FBXW7: variants seen among roughly 807,000 people sequenced by gnomAD.
FBXW7 encodes the protein F-box/WD repeat-containing protein 7.
In FBXW7, 11 loss-of-function variants were observed where a neutral mutation model predicts 86.3. The ratio of observed to expected loss-of-function variants is 0.13; its 90% CI spans 0.08 to 0.21. The LOEUF is 0.21. FBXW7 is among the 10% of genes least tolerant of loss of function. The probability of loss-of-function intolerance (pLI) is 1.00; values close to 1 mark genes in which losing one functional copy is unlikely to be tolerated. For missense variants in FBXW7, 488 were observed against 847.4 expected, an observed-to-expected ratio of 0.58 and a Z score of 5.27; for synonymous variants, 313 against 297.9, an observed-to-expected ratio of 1.05 and a Z score of -0.52.
intron 6 of FBXW7, among the ~76,000 whole-genome samples, chr4:152,340,843 C>T (rs1730668362): frequency 6.6e-6 from 1 of 152,050 alleles, no homozygotes; most frequent in African/African-American, 2.4e-5. Context: ...TGTCTATGAT[C>T]TTTCTCTCCA....
At chr4:152,510,142 C>A (rs1273030545) in intron 2 of FBXW7, among the ~76,000 whole-genome samples, 1 of 152,146 alleles carries the variant, frequency 6.6e-6, no homozygotes, top group Admixed American at 6.5e-5. Context: ...AAATTGGGAA[C>A]AACCTAAACG....
intron 2 of FBXW7, among the ~76,000 whole-genome samples, chr4:152,442,128 T>A (rs1299413467): frequency 6.6e-6 from 1 of 152,206 alleles, no homozygotes; most frequent in Non-Finnish European, 1.5e-5. Flanking sequence ...AACTATCATA[T>A]AACTTCCCCT....
At chr4:152,504,541 T>C (rs904605574) in intron 2 of FBXW7, among the ~76,000 whole-genome samples, 4 of 152,206 alleles carry the variant, frequency 2.6e-5, no homozygotes, top group African/African-American at 9.6e-5. Flanking sequence ...CAGTTTTGCT[T>C]CAAAGTCTAC....
chr4:152,510,186 T>A (rs1390335019), intron 2 of FBXW7, among the ~76,000 whole-genome samples: 1 of 152,198 alleles, frequency 6.6e-6, no homozygotes, highest in African/African-American at 2.4e-5. Flanking sequence ...ACCATTTTGG[T>A]AGAAGAGTTA....
chr4:152,395,174 T>C (rs1736315582), intron 4 of FBXW7, among the ~76,000 whole-genome samples: 1 of 152,014 alleles, frequency 6.6e-6, no homozygotes, highest in African/African-American at 2.4e-5. Context: ...TACATGAAAA[T>C]CAGTTGAGAA....
At chr4:152,384,968 A>T (rs922269307) in intron 4 of FBXW7, among the ~76,000 whole-genome samples, 4 of 152,080 alleles carry the variant, frequency 2.6e-5, no homozygotes, top group Non-Finnish European at 5.9e-5. Context: ...TTTCCAACAT[A>T]AGACTAATTG....
intron 4 of FBXW7, among the ~76,000 whole-genome samples, chr4:152,354,465 C>CTGGGCTATGTT (rs1732172087): frequency 1.3e-5 from 2 of 152,108 alleles, no homozygotes; most frequent in South Asian, 4.1e-4. Flanking sequence ...TATGAGAACA[C>CTGGGCTATGTT]CTGAAATTTC....
chr4:152,386,640 T>C (rs913951921), intron 4 of FBXW7, among the ~76,000 whole-genome samples: 2 of 152,142 alleles, frequency 1.3e-5, no homozygotes, highest in Admixed American at 6.5e-5. Flanking sequence ...GTCAAAATTT[T>C]TGCCAAAATA....
intron 5 of FBXW7, among the ~76,000 whole-genome samples, chr4:152,347,827 AAACT>A (rs1731415863): frequency 6.6e-6 from 1 of 152,030 alleles, no homozygotes. Flanking sequence ...GATCTCTCTA[AAACT>A]AACTACCCTA....
At chr4:152,446,484 T>C (rs538625669) in intron 2 of FBXW7, among the ~76,000 whole-genome samples, 1 of 152,302 alleles carries the variant, frequency 6.6e-6, no homozygotes, top group South Asian at 2.1e-4. Context: ...TAATGGACAT[T>C]TTAAGAGCAT....
chr4:152,502,551 ATTT>A (rs558206654), intron 2 of FBXW7, among the ~76,000 whole-genome samples: 1 of 151,846 alleles, frequency 6.6e-6, no homozygotes, highest in African/African-American at 2.4e-5. Flanking sequence ...AATACTTTTT[ATTT>A]TTTTTAATTT....
chr4:152,357,271 T>C (rs548253947), intron 4 of FBXW7, among the ~76,000 whole-genome samples: 2 of 152,254 alleles, frequency 1.3e-5, no homozygotes, highest in East Asian at 1.9e-4. Flanking sequence ...CAAAATGTTA[T>C]AGCTGACTGC....
chr4:152,323,440 G>T, intron 13 of FBXW7: 1 of 431,842 alleles, frequency 2.3e-6, no homozygotes, highest in Non-Finnish European at 4.3e-6. Flanking sequence ...AGCATTCCTT[G>T]GTGAGGATGT....
intron 2 of FBXW7, among the ~76,000 whole-genome samples, chr4:152,421,319 G>C (rs1407533755): frequency 6.6e-6 from 1 of 152,128 alleles, no homozygotes; most frequent in Non-Finnish European, 1.5e-5. Context: ...CTTCTATCCA[G>C]ACACTAAAAC....
chr4:152,370,768 G>A (rs999704897), intron 4 of FBXW7, among the ~76,000 whole-genome samples: 54 of 151,786 alleles, frequency 3.6e-4, no homozygotes, highest in African/African-American at 1.3e-3. Context: ...TTTATGGTTC[G>A]ATAGCTCTGA....
intron 4 of FBXW7, among the ~76,000 whole-genome samples, chr4:152,375,956 G>A (rs1460915573): frequency 6.6e-6 from 1 of 151,982 alleles, no homozygotes; most frequent in Non-Finnish European, 1.5e-5. Context: ...GAGAAATTAC[G>A]ATATATTTAT....
At chr4:152,360,464 C>A (rs1732829676) in intron 4 of FBXW7, among the ~76,000 whole-genome samples, 1 of 152,168 alleles carries the variant, frequency 6.6e-6, no homozygotes, top group South Asian at 2.1e-4. Context: ...GGTGAGTACA[C>A]AATTCACCGA....
chr4:152,470,675 A>G (rs1190371186), intron 2 of FBXW7, among the ~76,000 whole-genome samples: 1 of 152,126 alleles, frequency 6.6e-6, no homozygotes, highest in Non-Finnish European at 1.5e-5. Context: ...CCTTTGCATC[A>G]AGTCGAGTCC....
intron 6 of FBXW7, chr4:152,338,177 T>C (rs779559910): frequency 1.9e-4 from 60 of 310,314 alleles, no homozygotes; most frequent in Non-Finnish European, 3.2e-4. Context: ...AAAAATATTT[T>C]TTCATTACAT....
Sources: gnomAD v4.1 joint callset for allele counts (sites outside exome capture counted in the v4.1 genomes callset) on GRCh38, gnomAD v4.1.1 for gene constraint, MANE v1.5 for transcripts, NCBI Gene and HGNC (gene_info 2026-07-23, HGNC 2026-07-21) for gene names.